The following CAST variants were observed in gnomAD, a reference collection of about 807,000 sequenced individuals.
CAST encodes calpastatin.
A neutral mutation model predicts 119.6 loss-of-function variants in CAST; 76 were observed. The observed-to-expected ratio is 0.64, with a 90% CI of 0.53 to 0.77. The LOEUF (loss-of-function observed/expected upper bound fraction) is 0.77. Ranked by LOEUF, CAST falls within the 30% of genes least tolerant of loss-of-function variation. The probability of loss-of-function intolerance (pLI) is 0.00; values close to 1 mark genes in which losing one functional copy is unlikely to be tolerated. For synonymous variants in CAST, 319 were observed against 331.6 expected (o/e 0.96, Z 0.41); for missense variants, 953 against 946.5 (o/e 1.01, Z -0.09).
chr5:96,734,869 G>A (rs1397043704), intron 9 of CAST, among the ~76,000 whole-genome samples: 2 of 152,042 alleles, frequency 1.3e-5, no homozygotes, highest in African/African-American at 4.8e-5. Context: ...TGTCTAGCAA[G>A]ACAATTAAAA....
chr5:96,616,212 T>C (rs1340256446), intron 1 of CAST, among the ~76,000 whole-genome samples: 2 of 152,204 alleles, frequency 1.3e-5, no homozygotes, highest in Non-Finnish European at 2.9e-5. Context: ...TCCAATCAAG[T>C]TGACACTCAG....
the CAST span, among the ~76,000 whole-genome samples, chr5:96,126,891 A>G: frequency 7.9e-5 from 12 of 152,140 alleles, no homozygotes; most frequent in East Asian, 1.9e-4. Flanking sequence ...TTTGAATTCA[A>G]TGGGACCCAG....
At chr5:96,677,861 C>T (rs889222086) in intron 2 of CAST, among the ~76,000 whole-genome samples, 4 of 152,156 alleles carry the variant, frequency 2.6e-5, no homozygotes, top group Non-Finnish European at 5.9e-5. Context: ...CTTCTCTCTC[C>T]TTAAATTCTG....
chr5:96,210,957 G>A, the CAST span, among the ~76,000 whole-genome samples: 1 of 151,528 alleles, frequency 6.6e-6, no homozygotes, highest in African/African-American at 2.4e-5. Flanking sequence ...TTTTAATTTT[G>A]GTGTTTATGT....
At chr5:96,257,847 G>T in the CAST span, among the ~76,000 whole-genome samples, 4 of 152,198 alleles carry the variant, frequency 2.6e-5, no homozygotes, top group South Asian at 4.1e-4. Flanking sequence ...AAACACAGCG[G>T]CGCACAAGGC....
intron 1 of CAST, among the ~76,000 whole-genome samples, chr5:96,532,396 A>T (rs774476701): frequency 7.2e-5 from 11 of 152,124 alleles, no homozygotes; most frequent in South Asian, 2.1e-4. Flanking sequence ...CAGGGTGTAA[A>T]GGAAACAACT....
chr5:96,201,435 G>T, the CAST span, among the ~76,000 whole-genome samples: 1 of 151,994 alleles, frequency 6.6e-6, no homozygotes, highest in African/African-American at 2.4e-5. Context: ...CAACTCTTGG[G>T]CAATGCCTTC....
chr5:96,730,940 C>CCT, intron 9 of CAST, 80 bp downstream of exon 9: 3 of 1,115,102 alleles, frequency 2.7e-6, no homozygotes, highest in Non-Finnish European at 4.1e-6. Flanking sequence ...GCTCAAATAA[C>CCT]CTATCATCTG....
the CAST span, among the ~76,000 whole-genome samples, chr5:96,173,340 G>T: frequency 1.3e-5 from 2 of 152,166 alleles, no homozygotes; most frequent in African/African-American, 4.8e-5. Context: ...AGAGTCCGGG[G>T]TATAGTCCTC....
chr5:96,256,494 A>T, the CAST span, among the ~76,000 whole-genome samples: 1 of 150,930 alleles, frequency 6.6e-6, no homozygotes, highest in Non-Finnish European at 1.5e-5. Flanking sequence ...TTTACACAAA[A>T]TTAGATGGTA....
At chr5:96,276,608 G>C in the CAST span, among the ~76,000 whole-genome samples, 5 of 152,162 alleles carry the variant, frequency 3.3e-5, no homozygotes, top group African/African-American at 9.7e-5. Context: ...ACATATTCCT[G>C]TACTCTACTA....
the CAST span, among the ~76,000 whole-genome samples, chr5:95,975,118 T>C: frequency 6.6e-6 from 1 of 152,184 alleles, no homozygotes; most frequent in Non-Finnish European, 1.5e-5. Context: ...TTCTTCAGCA[T>C]CACTGCATAT....
At chr5:96,366,616 G>A in the CAST span, among the ~76,000 whole-genome samples, 1,579 of 152,112 alleles carry the variant, frequency 0.01, 27 homozygotes, top group African/African-American at 0.036. Context: ...CCAGTTGATC[G>A]AATCAGCTAC....
chr5:96,306,964 G>C, the CAST span, among the ~76,000 whole-genome samples: 1 of 152,176 alleles, frequency 6.6e-6, no homozygotes, highest in Non-Finnish European at 1.5e-5. Context: ...TGTCTATTAG[G>C]TTGGCTTGTT....
intron 1 of CAST, among the ~76,000 whole-genome samples, chr5:96,656,257 C>T (rs1246876483): frequency 6.6e-6 from 1 of 152,222 alleles, no homozygotes; most frequent in Non-Finnish European, 1.5e-5. Context: ...TATGCATATT[C>T]TGCTTAGTTT....
the CAST span, chr5:96,423,190 C>T: frequency 4.5e-6 from 4 of 893,664 alleles, no homozygotes; most frequent in Non-Finnish European, 7.3e-6. Context: ...AGGGACATAA[C>T]CTTGGCCCAT....
chr5:96,298,355 T>C, the CAST span, among the ~76,000 whole-genome samples: 1 of 152,196 alleles, frequency 6.6e-6, no homozygotes, highest in African/African-American at 2.4e-5. Context: ...GACAATCCAA[T>C]AAATTAATCT....
the CAST span, among the ~76,000 whole-genome samples, chr5:96,350,966 G>C: frequency 6.6e-6 from 1 of 152,124 alleles, no homozygotes; most frequent in Non-Finnish European, 1.5e-5. Flanking sequence ...ACCATGTCAT[G>C]CATTTTTCTG....
chr5:96,295,740 G>A, the CAST span, among the ~76,000 whole-genome samples: 33 of 152,162 alleles, frequency 2.2e-4, no homozygotes, highest in African/African-American at 7.5e-4. Context: ...CAATGAAACC[G>A]GAATGACAAA....
Sources: gnomAD v4.1 joint callset for allele counts (sites outside exome capture counted in the v4.1 genomes callset) on GRCh38, gnomAD v4.1.1 for gene constraint, MANE v1.5 for transcripts, NCBI Gene and HGNC (gene_info 2026-07-23, HGNC 2026-07-21) for gene names.